Variants in SNX25 observed in about 807,000 individuals in gnomAD.
SNX25 encodes the protein sorting nexin-25.
A neutral mutation model predicts 113.7 loss-of-function variants in SNX25; 62 were observed. That is an observed-to-expected ratio of 0.55 (90% CI 0.44 to 0.67). SNX25 has a LOEUF of 0.67. Among genes scored for constraint, SNX25 ranks in the 30% least tolerant of loss-of-function variants. The pLI is 0.00. For missense variants in SNX25, 1,014 were observed against 1,161.0 expected (o/e 0.87, Z 1.84); for synonymous variants, 421 against 436.2 (o/e 0.97, Z 0.43).
chr4:185,328,897 A>C (rs763584830), intron 9 of SNX25, among the ~76,000 whole-genome samples: 4 of 152,278 alleles, frequency 2.6e-5, no homozygotes, highest in East Asian at 3.9e-4. Context: ...AGGAGGGGCC[A>C]CCAGATTGGA....
At position 185,222,397 on chromosome 4, in the gene SNX25, C is replaced by T. The variant is rs965294784; in HGVS notation, c.429+12142C>T. On this transcript the variant is annotated intron_variant, in intron 1 of 18. Transcript: ENST00000652585. ...CCCCTCCCTCACGGTAGGTATACAGCGCCCTATACCCCTCCCTCTCGGTAG... is the reference window on the plus strand; with the variant it reads ...CCCCTCCCTCACGGTAGGTATACAGTGCCCTATACCCCTCCCTCTCGGTAG... Among the ~76,000 whole-genome samples, 7 of 151,490 alleles carry T rather than the reference C, an allele frequency of 4.6e-5. No homozygotes were observed. In the East Asian group the frequency reaches 9.7e-4, roughly 21 times the overall value.
At chr4:185,281,283 A>G (rs1236519597) in intron 5 of SNX25, among the ~76,000 whole-genome samples, 1 of 152,198 alleles carries the variant, frequency 6.6e-6, no homozygotes, top group Non-Finnish European at 1.5e-5. Flanking sequence ...CTAAAGACTC[A>G]GTAACTGTGT....
In SNX25 at chr4:185,222,416, T is replaced by A. The variant is rs3112901; in HGVS notation, c.429+12161T>A. 6.2e-5 allele frequency among the ~76,000 whole-genome samples: 9 copies of A among 144,728 alleles called. No individual in the cohort carries two copies. In the East Asian group the frequency reaches 8.4e-4, roughly 13 times the overall value. The allele number at this position is 144,728 out of a possible 152,430, so 94.9% of individuals were successfully genotyped here. ...ATACAGCGCCCTATACCCCTCCCTC[T>A]CGGTAGGTATTCAGCGCCCTATACC... is the stretch of plus-strand genomic sequence containing the variant. On this transcript the variant is annotated intron_variant, in intron 1 of 18. Coordinates refer to ENST00000652585, the MANE Select transcript of SNX25 (RefSeq NM_001378034.2).
chr4:185,360,423 TC>T (rs2095356275), intron 16 of SNX25, among the ~76,000 whole-genome samples: 1 of 152,248 alleles, frequency 6.6e-6, no homozygotes, highest in African/African-American at 2.4e-5. Context: ...CCTTGTGTTG[TC>T]CATTTAAAAT....
At chr4:185,319,180 C>G (rs1579770230) in intron 7 of SNX25, among the ~76,000 whole-genome samples, 2 of 108,592 alleles carry the variant, frequency 1.8e-5, no homozygotes, top group Admixed American at 9.5e-5. Flanking sequence ...AATACATTTT[C>G]TTTGAGAAAG....
intron 1 of SNX25, among the ~76,000 whole-genome samples, chr4:185,238,064 A>C (rs1401227409): frequency 7.7e-4 from 75 of 97,768 alleles, no homozygotes; most frequent in African/African-American, 2.7e-3. Flanking sequence ...CTCCATCTCA[A>C]AAAAAAAAAA....
chr4:185,352,167 G>A (rs2095318670), intron 14 of SNX25, among the ~76,000 whole-genome samples: 1 of 152,180 alleles, frequency 6.6e-6, no homozygotes, highest in African/African-American at 2.4e-5. Context: ...AGCCTGCAGA[G>A]CTTTCGATCT....
At chr4:185,265,472 T>C (rs1478362490) in intron 4 of SNX25, among the ~76,000 whole-genome samples, 1 of 152,156 alleles carries the variant, frequency 6.6e-6, no homozygotes, top group African/African-American at 2.4e-5. Flanking sequence ...TAAACAACAG[T>C]ACACCTATAT....
chr4:185,307,192 T>C (rs1479831208), intron 6 of SNX25, among the ~76,000 whole-genome samples: 3 of 152,234 alleles, frequency 2.0e-5, no homozygotes, highest in East Asian at 1.9e-4. Flanking sequence ...ATTTGACTAA[T>C]TGGGACCTGA....
At chr4:185,235,451 G>T (rs6854483) in intron 1 of SNX25, among the ~76,000 whole-genome samples, 57,453 of 152,070 alleles carry the variant, frequency 0.38, 13,161 homozygotes, top group East Asian at 0.59. Flanking sequence ...CAAGGGACAT[G>T]GTTTAGGGTT....
intron 9 of SNX25, 150 bp from the exon 10 acceptor site, chr4:185,332,445 C>G: frequency 2.7e-6 from 2 of 754,560 alleles, no homozygotes; most frequent in Non-Finnish European, 3.8e-6. Flanking sequence ...TTTGATTTTT[C>G]TCTTTGCTGA....
Position 185,362,663 on chromosome 4 carries a change from A to T in SNX25, c.2886A>T (p.Lys962Asn), listed in dbSNP as rs1287150989. ...GQQNARHGII[K>N]IFNALQETRA... The stretch of plus-strand genomic sequence containing the variant: ...AAAATGCCCGCCACGGTATAATAAA[A>T]ATATTCAATGCACTGCAAGAAACAA... Residue 962 changes from lysine (K) to asparagine (N), a missense_variant, in exon 18 of 19, where the codon AAA becomes AAT. Transcript: ENST00000652585. 1.2e-6 allele frequency: 2 copies of T among 1,614,146 alleles called. No individual in the cohort carries two copies. Among genetic ancestry groups the T allele is most frequent in the Non-Finnish European group, 1.7e-6 (2 of 1,180,030 alleles).
the SNX25 span, chr4:185,377,626 A>C: frequency 6.0e-6 from 1 of 166,424 alleles, no homozygotes; most frequent in African/African-American, 2.4e-5. Context: ...AAGTCTATGC[A>C]TTGGTTTGTC....
intron 1 of SNX25, among the ~76,000 whole-genome samples, chr4:185,215,208 G>A (rs1362825541): frequency 6.6e-6 from 1 of 151,802 alleles, no homozygotes; most frequent in South Asian, 2.1e-4. Context: ...CAGCCTGGGC[G>A]ACAGAGCGAG....
chr4:185,371,374 C>T (rs1391160967), downstream of SNX25, among the ~76,000 whole-genome samples: 3 of 151,566 alleles, frequency 2.0e-5, no homozygotes, highest in Admixed American at 6.6e-5. Flanking sequence ...CCCGTCTCTA[C>T]TAAAAAAGAT....
chr4:185,222,853 C>T (rs1740213793), intron 1 of SNX25, among the ~76,000 whole-genome samples: 1 of 152,144 alleles, frequency 6.6e-6, no homozygotes, highest in Non-Finnish European at 1.5e-5. Flanking sequence ...CAGTGGGCAG[C>T]TTGCTTAAGG....
At chr4:185,338,648 A>C (rs2095244838) in intron 10 of SNX25, among the ~76,000 whole-genome samples, 1 of 152,050 alleles carries the variant, frequency 6.6e-6, no homozygotes, top group African/African-American at 2.4e-5. Flanking sequence ...GATCTACTTT[A>C]ATTGTTATAT....
the SNX25 span, chr4:185,378,351 C>T: frequency 4.9e-6 from 7 of 1,431,992 alleles, no homozygotes; most frequent in Non-Finnish European, 6.4e-6. Context: ...AACTCCAGGA[C>T]GTGAACATTC....
At chr4:185,311,739 T>TA (rs2095031938) in intron 7 of SNX25, among the ~76,000 whole-genome samples, 1 of 152,200 alleles carries the variant, frequency 6.6e-6, no homozygotes, top group African/African-American at 2.4e-5. Flanking sequence ...CAGCTACTCA[T>TA]CTGTGATGTT....
Sources: allele counts gnomAD v4.1 joint callset (sites outside exome capture counted in the v4.1 genomes callset), GRCh38; gene constraint gnomAD v4.1.1; transcripts MANE v1.5; gene names NCBI Gene and HGNC (gene_info 2026-07-23, HGNC 2026-07-21).